Variants in DENND1B observed in about 807,000 individuals in gnomAD.
DENND1B encodes DENN domain-containing protein 1B.
In DENND1B, 59 loss-of-function variants were observed where a neutral mutation model predicts 90.1. That is an observed-to-expected ratio of 0.65 (90% CI 0.53 to 0.81). The LOEUF is 0.81. Ranked by LOEUF, DENND1B falls within the 40% of genes least tolerant of loss-of-function variation. The pLI is 0.00. For synonymous variants in DENND1B, 337 were observed against 324.6 expected, an observed-to-expected ratio of 1.04 and a Z score of -0.41; for missense variants, 862 against 912.6, an observed-to-expected ratio of 0.94 and a Z score of 0.71.
upstream of DENND1B, among the ~76,000 whole-genome samples, chr1:197,776,669 A>G (rs913077277): frequency 3.3e-5 from 5 of 152,248 alleles, no homozygotes; most frequent in African/African-American, 1.2e-4. Context: ...TAAAAAACTC[A>G]AGAGTCAGAG....
intron 3 of DENND1B, among the ~76,000 whole-genome samples, chr1:197,681,219 T>C (rs773074992): frequency 2.0e-5 from 3 of 152,128 alleles, no homozygotes; most frequent in Non-Finnish European, 4.4e-5. Flanking sequence ...TGGATATAGA[T>C]ACAGATGTAT....
At chr1:197,622,891 T>C (rs1678302166) in intron 10 of DENND1B, among the ~76,000 whole-genome samples, 1 of 151,420 alleles carries the variant, frequency 6.6e-6, no homozygotes, top group Non-Finnish European at 1.5e-5. Context: ...AATAGGCATG[T>C]ATTTTGAGGG....
At chr1:197,525,549 GA>G (rs1669080170) in intron 20 of DENND1B, among the ~76,000 whole-genome samples, 1 of 152,046 alleles carries the variant, frequency 6.6e-6, no homozygotes, top group Non-Finnish European at 1.5e-5. Context: ...TAACTAATGT[GA>G]AGATGACTTT....
intron 5 of DENND1B, among the ~76,000 whole-genome samples, chr1:197,668,901 C>T (rs1655206595): frequency 1.3e-5 from 2 of 151,798 alleles, no homozygotes; most frequent in Admixed American, 6.6e-5. Context: ...AGTGTGTTTT[C>T]CCTCATGCTT....
chr1:197,617,275 C>A (rs1677737984), intron 11 of DENND1B, among the ~76,000 whole-genome samples: 1 of 151,074 alleles, frequency 6.6e-6, no homozygotes, highest in Admixed American at 6.6e-5. Context: ...TATGCCCTGA[C>A]AGAGACAATG....
chr1:197,591,485 C>T (rs1390136025), intron 14 of DENND1B, among the ~76,000 whole-genome samples: 1 of 152,134 alleles, frequency 6.6e-6, no homozygotes, highest in Non-Finnish European at 1.5e-5. Context: ...CAAATCAAAA[C>T]TCCCTTTCAG....
intron 5 of DENND1B, among the ~76,000 whole-genome samples, chr1:197,663,852 T>G (rs889885444): frequency 6.6e-6 from 1 of 152,116 alleles, no homozygotes; most frequent in East Asian, 1.9e-4. Flanking sequence ...CAGGAAATCC[T>G]ACCGACTACT....
intron 2 of DENND1B, among the ~76,000 whole-genome samples, chr1:197,750,452 C>A (rs1571610685): frequency 6.6e-6 from 1 of 151,908 alleles, no homozygotes; most frequent in Non-Finnish European, 1.5e-5. Flanking sequence ...AAAGTACAAC[C>A]ATAAAACAAA....
At chr1:197,723,177 T>C (rs1304925591) in intron 2 of DENND1B, among the ~76,000 whole-genome samples, 1 of 152,178 alleles carries the variant, frequency 6.6e-6, no homozygotes, top group Non-Finnish European at 1.5e-5. Flanking sequence ...ATATAACTCA[T>C]AGCATGTTAG....
intron 2 of DENND1B, among the ~76,000 whole-genome samples, chr1:197,725,750 C>G (rs1459868930): frequency 1.3e-5 from 2 of 151,618 alleles, no homozygotes; most frequent in Non-Finnish European, 2.9e-5. Context: ...ACATAAAGGG[C>G]CTTGAGAGTG....
chr1:197,719,087 TG>T (rs1660916305), intron 2 of DENND1B, among the ~76,000 whole-genome samples: 1 of 152,036 alleles, frequency 6.6e-6, no homozygotes, highest in Admixed American at 6.6e-5. Context: ...CACAGTAAGA[TG>T]AGCCTCAGTG....
chr1:197,648,483 T>C lies in DENND1B; in HGVS notation c.448-1369A>G, dbSNP rs114459418. 5.0e-3 allele frequency among the ~76,000 whole-genome samples: 763 copies of C among 152,316 alleles called. 3 individuals are homozygous for C. Among genetic ancestry groups the C allele is most frequent in the African/African-American group, 0.018 (728 of 41,570 alleles). Reference sequence around the variant, plus strand: ...GTATTTATTTACCCCTGAGCAAATATGATACTCAAATTTAAAGGGAGAACA... The same window carrying C: ...GTATTTATTTACCCCTGAGCAAATACGATACTCAAATTTAAAGGGAGAACA... On this transcript the variant is annotated intron_variant, in intron 7 of 22. Coordinates refer to ENST00000620048, the MANE Select transcript of DENND1B (RefSeq NM_001195215.2).
At chr1:197,557,020 A>G (rs572115547) in intron 15 of DENND1B, among the ~76,000 whole-genome samples, 3 of 108,662 alleles carry the variant, frequency 2.8e-5, no homozygotes, top group African/African-American at 8.4e-5. Context: ...ACCCAGTTTT[A>G]AAGGCAAATA....
At chr1:197,733,398 T>C (rs1180534001) in intron 2 of DENND1B, among the ~76,000 whole-genome samples, 1 of 152,232 alleles carries the variant, frequency 6.6e-6, no homozygotes, top group African/African-American at 2.4e-5. Flanking sequence ...CTGTTATTCT[T>C]CTACCTTACC....
chr1:197,624,243 T>G (rs902287154), intron 10 of DENND1B, among the ~76,000 whole-genome samples: 1 of 151,600 alleles, frequency 6.6e-6, no homozygotes, highest in Non-Finnish European at 1.5e-5. Context: ...TGAAACAGAA[T>G]AGAGAGCCCA....
chr1:197,521,970 G>A (rs1668807430), intron 20 of DENND1B, among the ~76,000 whole-genome samples: 1 of 152,170 alleles, frequency 6.6e-6, no homozygotes, highest in African/African-American at 2.4e-5. Flanking sequence ...CAACCCAAGT[G>A]TTCTGACTCA....
chr1:197,723,359 C>T (rs1661353654), intron 2 of DENND1B, among the ~76,000 whole-genome samples: 1 of 152,080 alleles, frequency 6.6e-6, no homozygotes, highest in Non-Finnish European at 1.5e-5. Context: ...CTTCGCACTC[C>T]TCTGAAGCTG....
intron 14 of DENND1B, among the ~76,000 whole-genome samples, chr1:197,588,576 G>T (rs1459388740): frequency 6.6e-6 from 1 of 152,010 alleles, no homozygotes; most frequent in Non-Finnish European, 1.5e-5. Flanking sequence ...CATTACAAAA[G>T]GAGTATAAAC....
At position 197,720,865 on chromosome 1, in the gene DENND1B, CT is replaced by C. The variant is rs1283539778; in HGVS notation, c.83-5792del. On this transcript the variant is annotated intron_variant, in intron 2 of 22. Transcript: ENST00000620048. ...ATTGCTGGAAAGTCTTAAATTCAGACTACATCTAATCTTGATAAAACATATA... is the reference window on the plus strand; with the variant it reads ...ATTGCTGGAAAGTCTTAAATTCAGACACATCTAATCTTGATAAAACATATA... Among the ~76,000 whole-genome samples, 9 of 152,210 alleles carry C rather than the reference CT, an allele frequency of 5.9e-5. No homozygotes were observed. The East Asian group carries it at 1.7e-3, about 29-fold the overall frequency.
Sources: gnomAD v4.1 joint callset for allele counts (sites outside exome capture counted in the v4.1 genomes callset) on GRCh38, gnomAD v4.1.1 for gene constraint, MANE v1.5 for transcripts, NCBI Gene and HGNC (gene_info 2026-07-23, HGNC 2026-07-21) for gene names.